The following KCNG3 variants were observed in gnomAD, a reference collection of about 807,000 sequenced individuals.
The protein encoded by KCNG3 is voltage-gated potassium channel regulatory subunit KCNG3.
KCNG3 carries 15 observed loss-of-function variants against 29.0 expected under a neutral mutation model. The observed-to-expected ratio is 0.52, with a 90% CI of 0.35 to 0.80. The LOEUF (loss-of-function observed/expected upper bound fraction) is 0.80, where lower values mean the gene tolerates loss of function less well. KCNG3 is among the 30% of genes least tolerant of loss of function. The pLI is 0.01. For missense variants in KCNG3, 512 were observed against 605.7 expected (o/e 0.85, Z 1.62); for synonymous variants, 322 against 248.9 (o/e 1.29, Z -2.76).
chr2:42,394,001 G>C, the KCNG3 span, among the ~76,000 whole-genome samples: 2 of 152,040 alleles, frequency 1.3e-5, no homozygotes, highest in South Asian at 4.2e-4. Flanking sequence ...GACTGGTCTT[G>C]AACTCCTGAC....
At chr2:42,405,708 C>T in the KCNG3 span, among the ~76,000 whole-genome samples, 68 of 152,102 alleles carry the variant, frequency 4.5e-4, no homozygotes, top group African/African-American at 1.6e-3. Context: ...CCCGGGTTCA[C>T]GCCATCCTCC....
chr2:42,473,800 GA>G (rs113573916), intron 1 of KCNG3, among the ~76,000 whole-genome samples: 34 of 149,428 alleles, frequency 2.3e-4, no homozygotes, highest in South Asian at 4.2e-4. Context: ...ACTTATATTA[GA>G]AAAAAAAAAT....
intron 1 of KCNG3, among the ~76,000 whole-genome samples, chr2:42,482,793 A>T (rs1673622609): frequency 6.6e-6 from 1 of 151,960 alleles, no homozygotes; most frequent in South Asian, 2.1e-4. Context: ...CCCAAAAACC[A>T]CTGCATTTTA....
At chr2:42,489,768 A>C (rs1003513564) in intron 1 of KCNG3, among the ~76,000 whole-genome samples, 31 of 152,230 alleles carry the variant, frequency 2.0e-4, no homozygotes, top group Non-Finnish European at 4.3e-4. Flanking sequence ...CAAGTGGCAG[A>C]GGATACTGTT....
chr2:42,441,510 AT>A, downstream of KCNG3, among the ~76,000 whole-genome samples: 1 of 152,042 alleles, frequency 6.6e-6, no homozygotes, highest in East Asian at 1.9e-4. Flanking sequence ...ATATTTTTTC[AT>A]TTATGAATGA....
chr2:42,485,907 A>G (rs190241967), intron 1 of KCNG3, among the ~76,000 whole-genome samples: 1 of 152,260 alleles, frequency 6.6e-6, no homozygotes. Context: ...CATTAAGAAC[A>G]TCACCATTCT....
the KCNG3 span, among the ~76,000 whole-genome samples, chr2:42,419,257 A>ATTTTT: frequency 3.1e-5 from 1 of 32,428 alleles, no homozygotes; most frequent in Admixed American, 3.8e-4. Flanking sequence ...TTTTTTTGAG[A>ATTTTT]TAGAGTCTCA....
chr2:42,438,963 GACCA>G (rs1672422266), downstream of KCNG3, among the ~76,000 whole-genome samples: 1 of 152,136 alleles, frequency 6.6e-6, no homozygotes, highest in African/African-American at 2.4e-5. Flanking sequence ...AACCTTTCCT[GACCA>G]AAATGGAACT....
the KCNG3 span, among the ~76,000 whole-genome samples, chr2:42,428,458 G>A: frequency 1.9e-5 from 2 of 104,526 alleles, no homozygotes; most frequent in Non-Finnish European, 1.9e-5. Context: ...CCCGGTCTCG[G>A]GAAAAAAAAA....
At chr2:42,419,849 G>A in the KCNG3 span, among the ~76,000 whole-genome samples, 1 of 152,338 alleles carries the variant, frequency 6.6e-6, no homozygotes, top group Middle Eastern at 3.4e-3. Flanking sequence ...TTCAAGGCCA[G>A]CACTACTAGC....
At chr2:42,397,364 G>A in the KCNG3 span, among the ~76,000 whole-genome samples, 1 of 152,164 alleles carries the variant, frequency 6.6e-6, no homozygotes, top group African/African-American at 2.4e-5. Context: ...TTTCATGTGG[G>A]AAGGAAGGGG....
the KCNG3 span, among the ~76,000 whole-genome samples, chr2:42,407,635 G>T: frequency 1.3e-5 from 2 of 152,134 alleles, no homozygotes; most frequent in South Asian, 2.1e-4. Flanking sequence ...AGCCCCGCTT[G>T]GGGGGCAGCT....
At chr2:42,486,413 C>T (rs181248508) in intron 1 of KCNG3, among the ~76,000 whole-genome samples, 6 of 152,342 alleles carry the variant, frequency 3.9e-5, no homozygotes, top group Admixed American at 1.3e-4. Context: ...TCATTCTCTA[C>T]CCAGTGGTGT....
At chr2:42,470,602 C>G (rs182994740) in intron 1 of KCNG3, among the ~76,000 whole-genome samples, 1 of 152,164 alleles carries the variant, frequency 6.6e-6, no homozygotes, top group Non-Finnish European at 1.5e-5. Context: ...GGATCAAGCA[C>G]GGTGGCTCAC....
At chr2:42,407,246 G>A in the KCNG3 span, among the ~76,000 whole-genome samples, 1 of 150,538 alleles carries the variant, frequency 6.6e-6, no homozygotes, top group Non-Finnish European at 1.5e-5. Flanking sequence ...GGTGCTCATG[G>A]CTCACAGCAG....
At chr2:42,470,599 G>C (rs1284040631) in intron 1 of KCNG3, among the ~76,000 whole-genome samples, 1 of 152,216 alleles carries the variant, frequency 6.6e-6, no homozygotes, top group African/African-American at 2.4e-5. Context: ...TCAGGATCAA[G>C]CACGGTGGCT....
At position 42,443,874 on chromosome 2, in the gene KCNG3, A is replaced by G. The variant is rs1672541080; in HGVS notation, c.*60T>C. 3 of 1,476,164 alleles carry G rather than the reference A, an allele frequency of 2.0e-6. No homozygotes were observed. Among genetic ancestry groups the G allele is most frequent in the Non-Finnish European group, 2.8e-6 (3 of 1,087,584 alleles). The allele number at this position is 1,476,164 out of a possible 1,614,324, so 91.4% of individuals were successfully genotyped here. A position where few individuals can be genotyped will look rare whatever the true frequency, so the allele number is the denominator to read the frequency against. On this transcript the variant is annotated 3_prime_UTR_variant, in exon 2 of 2. Transcript: ENST00000306078. ...GTGCTCACCCAGCAAGAAACACATA[A>G]ATATGAAGCAGCATCAAAGTCTTTC...
intron 1 of KCNG3, among the ~76,000 whole-genome samples, chr2:42,480,233 G>A (rs1333398096): frequency 6.8e-6 from 1 of 146,834 alleles, no homozygotes; most frequent in Non-Finnish European, 1.5e-5. Context: ...TGGCTGGTTA[G>A]AAGACTAGAA....
the KCNG3 span, among the ~76,000 whole-genome samples, chr2:42,420,681 C>CGG: frequency 6.6e-6 from 1 of 151,950 alleles, no homozygotes; most frequent in South Asian, 2.1e-4. Flanking sequence ...CCCAGCTACT[C>CGG]GGGAGGCTGA....
Sources: gnomAD v4.1 joint callset for allele counts (sites outside exome capture counted in the v4.1 genomes callset) on GRCh38, gnomAD v4.1.1 for gene constraint, MANE v1.5 for transcripts, NCBI Gene and HGNC (gene_info 2026-07-23, HGNC 2026-07-21) for gene names.